The following CDC42EP1 variants were observed in gnomAD, a reference collection of about 807,000 sequenced individuals.
CDC42EP1 encodes 55 kDa bone marrow stromal/endothelial cell protein.
CDC42EP1 carries 6 observed loss-of-function variants against 7.4 expected under a neutral mutation model. The observed-to-expected ratio is 0.81, with a 90% CI of 0.44 to 1.60. The LOEUF is 1.60. Ranked by LOEUF, CDC42EP1 falls within the 40% of genes most tolerant of loss-of-function variation. The pLI, the probability that CDC42EP1 is intolerant of heterozygous loss-of-function variation, is 0.01. For synonymous variants in CDC42EP1, 238 were observed against 227.1 expected, an observed-to-expected ratio of 1.05 and a Z score of -0.43; for missense variants, 567 against 539.0, an observed-to-expected ratio of 1.05 and a Z score of -0.51.
chr22:37,561,815 C>T (rs1371583425), intron 1 of CDC42EP1, among the ~76,000 whole-genome samples: 4 of 152,176 alleles, frequency 2.6e-5, no homozygotes, highest in Non-Finnish European at 4.4e-5. Flanking sequence ...GGGTGACCCC[C>T]AGGTGAATGC....
intron 1 of CDC42EP1, among the ~76,000 whole-genome samples, chr22:37,563,228 C>T (rs539560761): frequency 6.6e-6 from 1 of 152,350 alleles, no homozygotes; most frequent in Non-Finnish European, 1.5e-5. Flanking sequence ...TTCCTTCCCC[C>T]AGAGATGCAT....
At chr22:37,563,119 A>G (rs969938121) in intron 1 of CDC42EP1, among the ~76,000 whole-genome samples, 16 of 151,942 alleles carry the variant, frequency 1.1e-4, no homozygotes, top group African/African-American at 3.6e-4. Context: ...AAAAAGAAAA[A>G]AAAAAAAGTC....
chr22:37,568,743 A>T lies in CDC42EP1; in HGVS notation c.1099A>T (p.Thr367Ser). ...EWRAPQAGSR[T>S]PVPSTVQANT... ...GAGGGCGCCCCAGGCAGGCAGCAGGACCCCAGTGCCCAGCACAGTGCAAGC... is the reference window on the plus strand; with the variant it reads ...GAGGGCGCCCCAGGCAGGCAGCAGGTCCCCAGTGCCCAGCACAGTGCAAGC... Residue 367 changes from threonine (T) to serine (S), a missense_variant, in exon 3 of 3, where the codon ACC becomes TCC. Coordinates refer to ENST00000249014, the MANE Select transcript of CDC42EP1 (RefSeq NM_152243.3). The T allele has an allele frequency of 6.6e-7, 1 of 1,522,672 alleles. No homozygotes were observed. Among genetic ancestry groups the T allele is most frequent in the South Asian group, 1.3e-5 (1 of 76,404 alleles). 94.3% of individuals were successfully genotyped at this position (1,522,672 alleles called of 1,614,324 possible). A position where few individuals can be genotyped will look rare whatever the true frequency, so the allele number is the denominator to read the frequency against.
At chr22:37,564,078 T>C (rs1026246363) in intron 1 of CDC42EP1, among the ~76,000 whole-genome samples, 1 of 152,140 alleles carries the variant, frequency 6.6e-6, no homozygotes, top group Non-Finnish European at 1.5e-5. Context: ...TGAGTTCAAG[T>C]CTCAACTAGC....
At position 37,566,661 on chromosome 22, in the gene CDC42EP1, AC is replaced by A; in HGVS notation, c.315del (p.Ser106ProfsTer106). ...CCCGGAGGATGGCATCTCCCCCTGCACCCTCCCCGGCTCCACCGGCCATCTC... is the reference window on the plus strand; with the variant it reads ...CCCGGAGGATGGCATCTCCCCCTGCACCTCCCCGGCTCCACCGGCCATCTC... ...PPRRMASPPA[P>X]SPAPPAISPI... On this transcript the variant is annotated frameshift_variant, in exon 2 of 3. Coordinates refer to ENST00000249014, the MANE Select transcript of CDC42EP1 (RefSeq NM_152243.3). LOFTEE classifies it high-confidence loss of function. This position sits in a 1 kb window ranked among gnomAD's most constrained non-coding sequence, Gnocchi z 6.4. The A allele has an allele frequency of 6.2e-7, 1 of 1,602,866 alleles. No individual in the cohort carries two copies.
At chr22:37,562,154 T>C (rs1417822976) in intron 1 of CDC42EP1, among the ~76,000 whole-genome samples, 1 of 152,126 alleles carries the variant, frequency 6.6e-6, no homozygotes, top group East Asian at 1.9e-4. Flanking sequence ...GCCCTCCAAA[T>C]CGTCTTCCCC....
intron 2 of CDC42EP1, among the ~76,000 whole-genome samples, chr22:37,567,400 C>A (rs1171272725): frequency 3.3e-5 from 5 of 152,128 alleles, no homozygotes; most frequent in Non-Finnish European, 7.4e-5. Flanking sequence ...TCACAGGAAC[C>A]GCAAGCCACA....
Position 37,566,288 on chromosome 22 carries a change from G to GCCCCCCC in CDC42EP1, c.-59_-58insCCCCCCC. 1.2e-6 allele frequency: 1 copy of GCCCCCCC among 835,942 alleles called. No individual in the cohort carries two copies. The highest frequency in any genetic ancestry group is 1.8e-5 in the South Asian group (1 of 54,380). The allele number at this position is 835,942 out of a possible 1,614,324, so 51.8% of individuals were successfully genotyped here. On this transcript the variant is annotated 5_prime_UTR_variant, in exon 2 of 3. Transcript: ENST00000249014. This position sits in a 1 kb window ranked among gnomAD's most constrained non-coding sequence, Gnocchi z 6.4. ...GAGCTGAGCAGCCATCCCAAGCCCA[G>GCCCCCCC]CCCACCTCCCTCCCCCGGCCCCTGG...
chr22:37,568,709 C>G lies in CDC42EP1; in HGVS notation c.1065C>G (p.Asp355Glu). Reference sequence around the variant, plus strand: ...CCCGGGCCTCCTGGGAGAGCCTGGACGAAGAGTGGAGGGCGCCCCAGGCAG... The same window carrying G: ...CCCGGGCCTCCTGGGAGAGCCTGGAGGAAGAGTGGAGGGCGCCCCAGGCAG... ...PQARASWESLDEEWRAPQAGS... is the reference protein window; with the variant it reads ...PQARASWESLEEEWRAPQAGS... The change falls in exon 3 of 3, where the codon GAC (aspartate) becomes GAG (glutamate). Residue 355 changes from aspartate to glutamate, a missense_variant. Coordinates refer to ENST00000249014, the MANE Select transcript of CDC42EP1 (RefSeq NM_152243.3). 2 of 1,535,478 alleles carry G rather than the reference C, an allele frequency of 1.3e-6. No individual in the cohort carries two copies. The highest frequency in any genetic ancestry group is 1.8e-6 in the Non-Finnish European group (2 of 1,141,252).
At position 37,566,891 on chromosome 22, in the gene CDC42EP1, T is replaced by TC; in HGVS notation, c.463+81dup. ...GAGGGGTTCAGTGGCTCCTCCAAGC[T>TC]CCAAGTGAGCTCCAAGTGACCACAG... is the stretch of plus-strand genomic sequence containing the variant. On this transcript the variant is annotated intron_variant, in intron 2 of 2. Coordinates refer to ENST00000249014, the MANE Select transcript of CDC42EP1 (RefSeq NM_152243.3). This position sits in a 1 kb window ranked among gnomAD's most constrained non-coding sequence, Gnocchi z 6.4. 1 of 1,090,208 alleles carries TC rather than the reference T, an allele frequency of 9.2e-7. No homozygotes were observed. Among genetic ancestry groups the TC allele is most frequent in the South Asian group, 1.6e-5 (1 of 62,342 alleles). 67.5% of individuals were successfully genotyped at this position (1,090,208 alleles called of 1,614,324 possible).
chr22:37,562,710 G>C (rs1374462014), intron 1 of CDC42EP1, among the ~76,000 whole-genome samples: 1 of 152,146 alleles, frequency 6.6e-6, no homozygotes, highest in Non-Finnish European at 1.5e-5. Context: ...TGAAAGATGG[G>C]ATCATCGCAA....
chr22:37,560,706 G>T (rs1244164023), intron 1 of CDC42EP1, 118 bp downstream of exon 1: 3 of 151,614 alleles, frequency 2.0e-5, no homozygotes, highest in South Asian at 2.1e-4. Context: ...GACGGGACCC[G>T]CCCGGGAGAG....
chr22:37,565,259 C>T (rs5756728), intron 1 of CDC42EP1, among the ~76,000 whole-genome samples: 71,853 of 143,456 alleles, frequency 0.5, 19,263 homozygotes, highest in Non-Finnish European at 0.59. Context: ...ACAATCATGG[C>T]TCATTGCAGC....
chr22:37,561,542 C>A (rs1306330879), intron 1 of CDC42EP1, among the ~76,000 whole-genome samples: 1 of 152,238 alleles, frequency 6.6e-6, no homozygotes, highest in South Asian at 2.1e-4. Flanking sequence ...AACTAGCTAC[C>A]CCGTTCTGGC....
chr22:37,562,716 C>T (rs1270859077), intron 1 of CDC42EP1, among the ~76,000 whole-genome samples: 1 of 152,044 alleles, frequency 6.6e-6, no homozygotes. Context: ...ATGGGATCAT[C>T]GCAAGATTGG....
At position 37,568,196 on chromosome 22, in the gene CDC42EP1, G is replaced by A. The variant is rs115843472; in HGVS notation, c.552G>A (p.Glu184=). 1,065 of 1,613,944 alleles carry A rather than the reference G, an allele frequency of 6.6e-4. 6 individuals are homozygous for A. The African/African-American group carries it at 0.013, about 19-fold the overall frequency. The change falls in exon 3 of 3, where the codon GAG becomes GAA. Residue 184 remains glutamate, a synonymous_variant. Transcript: ENST00000249014. ...DRDRDGSFPS[E]PGLRRSDSLL... ...ACCGGGATGGTTCCTTCCCCTCTGA[G>A]CCCGGGCTTCGCCGCTCTGACTCTC... is the stretch of plus-strand genomic sequence containing the variant.
In CDC42EP1 at chr22:37,568,529, C is replaced by G; in HGVS notation, c.885C>G (p.Gly295=). ...HCPNGVTAGL[G]PVAEVKSSPV... ...CCAATGGGGTAACAGCTGGGTTGGG[C>G]CCAGTGGCTGAGGTGAAGTCCAGCC... Residue 295 remains glycine (G), a synonymous_variant, in exon 3 of 3, where the codon GGC becomes GGG. Coordinates refer to ENST00000249014, the MANE Select transcript of CDC42EP1 (RefSeq NM_152243.3). 6.2e-7 allele frequency: 1 copy of G among 1,609,710 alleles called. No homozygotes were observed. The highest frequency in any genetic ancestry group is 8.5e-7 in the Non-Finnish European group (1 of 1,178,192).
chr22:37,567,243 G>A lies in CDC42EP1; in HGVS notation c.463+431G>A, dbSNP rs148568645. Among the ~76,000 whole-genome samples the A allele has an allele frequency of 3.9e-4, 60 of 152,220 alleles. No homozygotes were observed. The East Asian group carries it at 0.011, about 28-fold the overall frequency. On this transcript the variant is annotated intron_variant, in intron 2 of 2. Coordinates refer to ENST00000249014, the MANE Select transcript of CDC42EP1 (RefSeq NM_152243.3). ...TTGACCTCTATAAGTTCAAGTCCTC[G>A]CCTGGATAATGAGTCTCTCGGGGTC...
intron 1 of CDC42EP1, chr22:37,565,564 CTTGTTTTTT>C (rs1485837860): frequency 2.7e-4 from 32 of 116,618 alleles, no homozygotes; most frequent in African/African-American, 7.2e-4. Flanking sequence ...ACTGAACTTC[CTTGTTTTTT>C]TTTTTTTTTT....
Sources: gnomAD v4.1 joint callset for allele counts (sites outside exome capture counted in the v4.1 genomes callset) on GRCh38, gnomAD v4.1.1 for gene constraint, Gnocchi (gnomAD v3.1) non-coding constraint, MANE v1.5 for transcripts, NCBI Gene and HGNC (gene_info 2026-07-23, HGNC 2026-07-21) for gene names.